SLC7A11: variants seen among roughly 807,000 people sequenced by gnomAD.
SLC7A11 encodes the protein solute carrier family 7 member 11.
SLC7A11 carries 35 observed loss-of-function variants against 54.5 expected under a neutral mutation model. The observed-to-expected ratio is 0.64, with a 90% CI of 0.49 to 0.85. The LOEUF is 0.85. Ranked by LOEUF, SLC7A11 falls within the 40% of genes least tolerant of loss-of-function variation. The pLI, the probability that SLC7A11 is intolerant of heterozygous loss-of-function variation, is 0.00. For synonymous variants in SLC7A11, 230 were observed against 225.2 expected (o/e 1.02, Z -0.19); for missense variants, 583 against 618.1 (o/e 0.94, Z 0.60).
Position 138,167,141 on chromosome 4 carries a change from CTTTTTTTTTTT to C in SLC7A11, c.*4804_*4814del, listed in dbSNP as rs1035030161. ...ATACCTTTAGCTATTATTTAAAAATCTTTTTTTTTTTTTTTTTTTTTTTTTGAGATGAAGTC... is the reference window on the plus strand; with the variant it reads ...ATACCTTTAGCTATTATTTAAAAATCTTTTTTTTTTTTTTGAGATGAAGTC... On this transcript the variant is annotated 3_prime_UTR_variant, in exon 12 of 12. Transcript: ENST00000280612. 2 of 85,714 alleles carry C rather than the reference CTTTTTTTTTTT, an allele frequency of 2.3e-5. No homozygotes were observed. The highest frequency in any genetic ancestry group is 1.6e-4 in the Admixed American group (1 of 6,270). 5.3% of individuals were successfully genotyped at this position (85,714 alleles called of 1,614,324 possible).
intron 11 of SLC7A11, among the ~76,000 whole-genome samples, chr4:138,173,856 A>G (rs1736499394): frequency 1.3e-5 from 2 of 152,126 alleles, no homozygotes; most frequent in Admixed American, 6.6e-5. Context: ...GAGCAATTAA[A>G]GCCCATATTT....
chr4:138,196,553 T>C (rs1045270074), intron 6 of SLC7A11, among the ~76,000 whole-genome samples: 1 of 152,142 alleles, frequency 6.6e-6, no homozygotes, highest in Non-Finnish European at 1.5e-5. Flanking sequence ...ATTTAGAATA[T>C]ACCAAGTGAG....
chr4:138,222,907 G>T (rs1737849677), intron 4 of SLC7A11, among the ~76,000 whole-genome samples: 1 of 84,304 alleles, frequency 1.2e-5, no homozygotes, highest in Non-Finnish European at 2.3e-5. Context: ...CTAAGTGGCA[G>T]GTTTTTTTTT....
At position 138,241,914 on chromosome 4, in the gene SLC7A11, A is replaced by C. The variant is rs1738390819; in HGVS notation, c.156T>G (p.Ile52Met). 6.2e-7 allele frequency: 1 copy of C among 1,613,946 alleles called. No individual in the cohort carries two copies. The highest frequency in any genetic ancestry group is 8.5e-7 in the Non-Finnish European group (1 of 1,179,928). The change falls in exon 1 of 12, where the codon ATT becomes ATG. Residue 52 changes from isoleucine to methionine, a missense_variant. By Grantham distance (10) the Ile-to-Met change is conservative. Coordinates refer to ENST00000280612, the MANE Select transcript of SLC7A11 (RefSeq NM_014331.4). ...RKVTLLRGVS[I>M]IIGTIIGAGI... Reference sequence around the variant, plus strand: ...CTGCTCCAATGATGGTGCCAATGATAATGGAGACTCCCCTCAGTAAAGTGA... The same window carrying C: ...CTGCTCCAATGATGGTGCCAATGATCATGGAGACTCCCCTCAGTAAAGTGA...
intron 8 of SLC7A11, 120 bp downstream of exon 8, chr4:138,183,082 G>T: frequency 1.5e-6 from 1 of 687,792 alleles, no homozygotes; most frequent in Non-Finnish European, 2.5e-6. Context: ...TTTCAATCTT[G>T]CATGTCCCTT....
In SLC7A11 at chr4:138,166,239, G is replaced by GT. The variant is rs1360227948; in HGVS notation, c.*5716dup. ...AGTATGCATCTAATAAAGTTAGTTA[G>GT]TAGGAAAATTTGATGTCTAAATTTT... On this transcript the variant is annotated 3_prime_UTR_variant, in exon 12 of 12. Transcript: ENST00000280612. The GT allele has an allele frequency of 6.6e-6, 1 of 152,122 alleles. No homozygotes were observed. The highest frequency in any genetic ancestry group is 2.4e-5 in the African/African-American group (1 of 41,424). 9.4% of individuals were successfully genotyped at this position (152,122 alleles called of 1,614,324 possible). A position where few individuals can be genotyped will look rare whatever the true frequency, so the allele number is the denominator to read the frequency against.
chr4:138,179,080 C>T (rs1736652838), intron 11 of SLC7A11, 137 bp downstream of exon 11: 3 of 600,544 alleles, frequency 5.0e-6, no homozygotes, highest in African/African-American at 1.8e-5. Flanking sequence ...AAAAGCAGTT[C>T]CAATTAAAAT....
intron 6 of SLC7A11, among the ~76,000 whole-genome samples, chr4:138,189,424 A>T (rs1217677127): frequency 6.6e-6 from 1 of 152,108 alleles, no homozygotes; most frequent in Non-Finnish European, 1.5e-5. Flanking sequence ...CAAGGTCACA[A>T]AAGTAGTAAG....
chr4:138,180,884 ATAAT>A (rs1375799945), intron 9 of SLC7A11, 94 bp from the exon 10 acceptor site: 3 of 1,025,952 alleles, frequency 2.9e-6, no homozygotes, highest in East Asian at 2.6e-5. Context: ...CCTTTTTCAA[ATAAT>A]TATTTATACC....
chr4:138,209,652 G>A (rs1022605562), intron 6 of SLC7A11, among the ~76,000 whole-genome samples: 4 of 151,662 alleles, frequency 2.6e-5, no homozygotes, highest in African/African-American at 9.7e-5. Flanking sequence ...CCACACAAAT[G>A]ACAACAAAAA....
At chr4:138,173,904 A>G (rs1736501150) in intron 11 of SLC7A11, among the ~76,000 whole-genome samples, 1 of 152,196 alleles carries the variant, frequency 6.6e-6, no homozygotes, top group Non-Finnish European at 1.5e-5. Context: ...CTATAAAAAT[A>G]GGCATTTGTG....
chr4:138,235,025 G>A (rs973731093), intron 2 of SLC7A11, among the ~76,000 whole-genome samples: 1 of 152,148 alleles, frequency 6.6e-6, no homozygotes, highest in Non-Finnish European at 1.5e-5. Flanking sequence ...TCTTATCTTT[G>A]TATGCTTGAA....
At chr4:138,236,001 G>T (rs1205719465) in intron 2 of SLC7A11, among the ~76,000 whole-genome samples, 1 of 152,104 alleles carries the variant, frequency 6.6e-6, no homozygotes, top group South Asian at 2.1e-4. Context: ...TTGGTCAAAA[G>T]GTATCCAGGT....
At chr4:138,214,655 A>G in intron 5 of SLC7A11, 26 bp from the exon 6 acceptor site, 1 of 901,624 alleles carries the variant, frequency 1.1e-6, no homozygotes, top group Non-Finnish European at 1.6e-6. Context: ...TAAATTATAA[A>G]CTATTAATAT....
Position 138,169,447 on chromosome 4 carries a change from A to G in SLC7A11, c.*2509T>C, listed in dbSNP as rs557577184. The stretch of plus-strand genomic sequence containing the variant: ...TTTTTCTGCGTGAAATGGCATTACA[A>G]TGGCAGGGAAATTTAATAATGCAAA... On this transcript the variant is annotated 3_prime_UTR_variant, in exon 12 of 12. Coordinates refer to ENST00000280612, the MANE Select transcript of SLC7A11 (RefSeq NM_014331.4). 6.6e-6 allele frequency: 1 copy of G among 152,252 alleles called. No individual in the cohort carries two copies. The highest frequency in any genetic ancestry group is 1.5e-5 in the Non-Finnish European group (1 of 68,004). The allele number at this position is 152,252 out of a possible 1,614,324, so 9.4% of individuals were successfully genotyped here.
rs769292510 is a variant in SLC7A11 at position 138,236,353 on chromosome 4, G to A, written c.376C>T (p.Arg126Ter). 6.8e-6 allele frequency: 11 copies of A among 1,612,522 alleles called. No individual in the cohort carries two copies. Among genetic ancestry groups the A allele is most frequent in the South Asian group, 4.4e-5 (4 of 90,968 alleles). Residue 126 changes from arginine (R) to a stop codon, truncating the protein, a stop_gained, in exon 2 of 12, where the codon CGA (arginine) becomes TGA (stop). Transcript: ENST00000280612. LOFTEE classifies it high-confidence loss of function. ...ATTATGAGGAGTTCCACCCAGACTC[G>A]TACAAAAGCTGGTAATGGACCAAAG... ...EVFGPLPAFV[R>*]VWVELLIIRP...
At chr4:138,177,782 T>C (rs573456298) in intron 11 of SLC7A11, 2 of 152,278 alleles carry the variant, frequency 1.3e-5, no homozygotes, top group Admixed American at 1.3e-4. Context: ...TACCTAGTCA[T>C]CTACTATGTT....
chr4:138,212,174 A>C (rs1225459341), intron 6 of SLC7A11, among the ~76,000 whole-genome samples: 2 of 151,888 alleles, frequency 1.3e-5, no homozygotes, highest in Non-Finnish European at 2.9e-5. Context: ...CATAATAGAG[A>C]TCAAAAATGC....
At position 138,167,348 on chromosome 4, in the gene SLC7A11, C is replaced by T. The variant is rs1736294510; in HGVS notation, c.*4608G>A. On this transcript the variant is annotated 3_prime_UTR_variant, in exon 12 of 12. Transcript: ENST00000280612. ...TATATTTTTAGTTGAGACAGGGTTT[C>T]ACCATGTTGGCCAGGCTGATCTCGA... 1 of 151,318 alleles carries T rather than the reference C, an allele frequency of 6.6e-6. No homozygotes were observed. The highest frequency in any genetic ancestry group is 6.6e-5 in the Admixed American group (1 of 15,162). The allele number at this position is 151,318 out of a possible 1,614,324, so 9.4% of individuals were successfully genotyped here.
Sources: gnomAD v4.1 joint callset for allele counts (sites outside exome capture counted in the v4.1 genomes callset) on GRCh38, gnomAD v4.1.1 for gene constraint, MANE v1.5 for transcripts, NCBI Gene and HGNC (gene_info 2026-07-23, HGNC 2026-07-21) for gene names.